Variants in PPM1E observed in about 807,000 individuals in gnomAD.
The protein encoded by PPM1E is protein phosphatase, Mg2+/Mn2+ dependent 1E, also known as protein phosphatase 1E.
A neutral mutation model predicts 65.9 loss-of-function variants in PPM1E; 20 were observed. The ratio of observed to expected loss-of-function variants is 0.30; its 90% CI spans 0.21 to 0.44. The LOEUF (loss-of-function observed/expected upper bound fraction) is 0.44. Ranked by LOEUF, PPM1E falls within the 20% of genes least tolerant of loss-of-function variation. The pLI is 1.00. For missense variants in PPM1E, 713 were observed against 953.1 expected, an observed-to-expected ratio of 0.75 and a Z score of 3.32; for synonymous variants, 352 against 374.9, an observed-to-expected ratio of 0.94 and a Z score of 0.70.
intron 1 of PPM1E, among the ~76,000 whole-genome samples, chr17:58,942,110 G>A (rs1193616770): frequency 1.3e-5 from 2 of 152,154 alleles, no homozygotes; most frequent in East Asian, 1.9e-4. Flanking sequence ...TAATAGCTGG[G>A]TGCAGTGGCT....
chr17:58,868,105 C>T (rs1048421854), intron 1 of PPM1E, among the ~76,000 whole-genome samples: 2 of 151,950 alleles, frequency 1.3e-5, no homozygotes, highest in Non-Finnish European at 2.9e-5. Context: ...CAAGATGGGT[C>T]GACTGCTTGA....
chr17:58,878,073 C>A (rs1488687412), intron 1 of PPM1E, among the ~76,000 whole-genome samples: 4 of 151,936 alleles, frequency 2.6e-5, no homozygotes, highest in African/African-American at 9.7e-5. Context: ...CTTCTTGTGA[C>A]TAAACTTCCA....
intron 1 of PPM1E, among the ~76,000 whole-genome samples, chr17:58,796,117 A>G (rs569065906): frequency 2.0e-5 from 3 of 152,274 alleles, no homozygotes; most frequent in South Asian, 4.1e-4. Context: ...CAGTGGCACA[A>G]TCATGGCTCA....
chr17:58,867,621 A>G (rs1215888087), intron 1 of PPM1E, among the ~76,000 whole-genome samples: 5 of 152,206 alleles, frequency 3.3e-5, no homozygotes. Flanking sequence ...TTTTGACTAC[A>G]GCTAATTAGG....
At chr17:58,852,935 A>G (rs1371254486) in intron 1 of PPM1E, among the ~76,000 whole-genome samples, 1 of 152,100 alleles carries the variant, frequency 6.6e-6, no homozygotes, top group Non-Finnish European at 1.5e-5. Flanking sequence ...AGAAATGTCT[A>G]TTCAAGTCAT....
At chr17:58,816,779 TA>T (rs1567842231) in intron 1 of PPM1E, among the ~76,000 whole-genome samples, 36 of 13,436 alleles carry the variant, frequency 2.7e-3, no homozygotes, top group South Asian at 6.7e-3. Context: ...TATATATATA[TA>T]TATATATATA....
At chr17:58,922,948 A>G (rs1363850767) in intron 1 of PPM1E, among the ~76,000 whole-genome samples, 1 of 152,134 alleles carries the variant, frequency 6.6e-6, no homozygotes, top group Admixed American at 6.6e-5. Context: ...AGCTATATAA[A>G]TAGAATAAAT....
intron 1 of PPM1E, 61 bp downstream of exon 1, chr17:58,756,522 G>A (rs181522078): frequency 7.9e-5 from 100 of 1,259,492 alleles, no homozygotes; most frequent in Non-Finnish European, 9.6e-5. Flanking sequence ...GGCCTCGGAC[G>A]CGGCTCCCTC....
At chr17:58,771,348 A>AG in intron 1 of PPM1E, among the ~76,000 whole-genome samples, 1 of 151,838 alleles carries the variant, frequency 6.6e-6, no homozygotes, top group East Asian at 1.9e-4. Context: ...AAAAAAAAAA[A>AG]TGATTAAGGC....
At chr17:58,896,867 T>C (rs1395860695) in intron 1 of PPM1E, among the ~76,000 whole-genome samples, 2 of 152,196 alleles carry the variant, frequency 1.3e-5, no homozygotes, top group Non-Finnish European at 2.9e-5. Context: ...AATGCTTGGC[T>C]TCAAAGCTTC....
chr17:58,919,521 C>T (rs2051725206), intron 1 of PPM1E, among the ~76,000 whole-genome samples: 2 of 152,222 alleles, frequency 1.3e-5, no homozygotes, highest in South Asian at 4.1e-4. Flanking sequence ...CACGGTGGCT[C>T]ACACCTGTAA....
At chr17:58,796,652 T>G (rs2050209446) in intron 1 of PPM1E, among the ~76,000 whole-genome samples, 1 of 152,224 alleles carries the variant, frequency 6.6e-6, no homozygotes, top group Non-Finnish European at 1.5e-5. Context: ...AGCATTTATA[T>G]AAAATTTTTG....
rs191423891 is a variant in PPM1E at position 58,863,335 on chromosome 17, A to G, written c.465-92314A>G. Among the ~76,000 whole-genome samples the G allele has an allele frequency of 1.8e-4, 27 of 152,302 alleles. 1 individual carries two copies. Among genetic ancestry groups the G allele is most frequent in the African/African-American group, 6.3e-4 (26 of 41,568 alleles). The stretch of plus-strand genomic sequence containing the variant: ...CTGAGCCCTTCATGGGAGTGGGAGC[A>G]TGCAGGTGAGCAGTTGCAGGAGCCA... On this transcript the variant is annotated intron_variant, in intron 1 of 6. Transcript: ENST00000308249.
intron 1 of PPM1E, among the ~76,000 whole-genome samples, chr17:58,886,640 C>T (rs2051268217): frequency 6.6e-6 from 1 of 152,158 alleles, no homozygotes; most frequent in Non-Finnish European, 1.5e-5. Flanking sequence ...GATTCTTCTT[C>T]TCTGACATAC....
chr17:58,919,919 G>T (rs1354633988), intron 1 of PPM1E, among the ~76,000 whole-genome samples: 1 of 152,208 alleles, frequency 6.6e-6, no homozygotes, highest in African/African-American at 2.4e-5. Context: ...TCTGGCACTT[G>T]CTGGCAGAAT....
At chr17:58,889,511 A>C (rs2051320006) in intron 1 of PPM1E, among the ~76,000 whole-genome samples, 1 of 152,166 alleles carries the variant, frequency 6.6e-6, no homozygotes, top group African/African-American at 2.4e-5. Context: ...AGGCAGGAGA[A>C]TCGCTTGAAC....
intron 1 of PPM1E, among the ~76,000 whole-genome samples, chr17:58,932,664 AAAAT>A (rs1431858904): frequency 6.6e-6 from 1 of 152,230 alleles, no homozygotes; most frequent in Non-Finnish European, 1.5e-5. Context: ...TTTCTAGAAA[AAAAT>A]AAGGACTGGT....
At chr17:58,909,954 G>A (rs1338444239) in intron 1 of PPM1E, among the ~76,000 whole-genome samples, 3 of 114,196 alleles carry the variant, frequency 2.6e-5, no homozygotes, top group African/African-American at 1.0e-4. Context: ...TGAGACTGGA[G>A]TGCAGTGGTG....
Position 58,756,373 on chromosome 17 carries a change from C to G in PPM1E, c.376C>G (p.Pro126Ala). The change falls in exon 1 of 7, where the codon CCG (proline) becomes GCG (alanine). Residue 126 changes from proline (P) to alanine (A), a missense_variant. Around this residue, in one of 6 missense-constraint regions of PPM1E, gnomAD observed 212 missense variants for 204.0 expected, o/e 1.04. Transcript: ENST00000308249. ...PPPPQLPPLPPLPRPLSERIT... is the reference protein window; with the variant it reads ...PPPPQLPPLPALPRPLSERIT... The stretch of plus-strand genomic sequence containing the variant: ...GCCGCCCCAGCTGCCGCCTTTGCCC[C>G]CGCTCCCGCGACCGCTGTCAGAGCG... The G allele has an allele frequency of 7.3e-7, 1 of 1,374,884 alleles. No individual in the cohort carries two copies. Among genetic ancestry groups the G allele is most frequent in the South Asian group, 1.9e-5 (1 of 52,980 alleles). 85.2% of individuals were successfully genotyped at this position (1,374,884 alleles called of 1,614,324 possible).
Sources: gnomAD v4.1 joint callset for allele counts (sites outside exome capture counted in the v4.1 genomes callset) on GRCh38, gnomAD v4.1.1 for gene constraint, gnomAD v4.1.1 regional missense constraint, MANE v1.5 for transcripts, NCBI Gene and HGNC (gene_info 2026-07-23, HGNC 2026-07-21) for gene names.